Variants in TUSC3 observed in about 807,000 individuals in gnomAD.
TUSC3 encodes the protein dolichyl-diphosphooligosaccharide--protein glycosyltransferase subunit TUSC3.
Under a neutral mutation model 44.8 loss-of-function variants are expected in TUSC3, and 45 were observed. The ratio of observed to expected loss-of-function variants is 1.00; its 90% CI spans 0.79 to 1.29. The LOEUF (loss-of-function observed/expected upper bound fraction) is 1.29. Among genes scored for constraint, TUSC3 ranks in the 50% most tolerant of loss-of-function variants. TUSC3 has a pLI of 0.00. For synonymous variants in TUSC3, 212 were observed against 152.9 expected (o/e 1.39, Z -2.85); for missense variants, 519 against 437.9 (o/e 1.19, Z -1.65).
chr8:15,837,959 G>A, the TUSC3 span, among the ~76,000 whole-genome samples: 1 of 152,148 alleles, frequency 6.6e-6, no homozygotes, highest in Admixed American at 6.5e-5. Context: ...AGAGTCTAAG[G>A]TTGTATTCCA....
intron 6 of TUSC3, among the ~76,000 whole-genome samples, chr8:15,707,865 T>C (rs1007056292): frequency 2.0e-5 from 3 of 151,912 alleles, no homozygotes; most frequent in South Asian, 4.1e-4. Context: ...TTGGTTTTTT[T>C]GGAGGTTCTA....
At chr8:15,583,434 A>G (rs1024988611) in intron 1 of TUSC3, among the ~76,000 whole-genome samples, 3 of 152,192 alleles carry the variant, frequency 2.0e-5, no homozygotes, top group African/African-American at 7.2e-5. Context: ...GATTACTGGA[A>G]GTAATTTGCC....
intron 1 of TUSC3, among the ~76,000 whole-genome samples, chr8:15,474,724 C>T (rs1286555112): frequency 1.3e-5 from 2 of 151,956 alleles, no homozygotes; most frequent in Non-Finnish European, 2.9e-5. Flanking sequence ...ATTTGAATGT[C>T]CAAAGAAATA....
the TUSC3 span, among the ~76,000 whole-genome samples, chr8:15,840,053 A>C: frequency 6.6e-6 from 1 of 152,204 alleles, no homozygotes. Flanking sequence ...AGCCATAAAA[A>C]ATGATGAGTT....
the TUSC3 span, among the ~76,000 whole-genome samples, chr8:15,788,546 C>CAAAAAAA: frequency 2.8e-3 from 213 of 75,456 alleles, 2 homozygotes; most frequent in African/African-American, 0.011. Flanking sequence ...GACTCTATCT[C>CAAAAAAA]AAAAAAAAAA....
chr8:15,443,435 G>A (rs924774639), intron 1 of TUSC3, among the ~76,000 whole-genome samples: 1 of 151,760 alleles, frequency 6.6e-6, no homozygotes, highest in Non-Finnish European at 1.5e-5. Context: ...CTGGGCTCGA[G>A]TGATCTGCCT....
chr8:15,740,264 G>GT (rs1271831316), intron 7 of TUSC3, among the ~76,000 whole-genome samples: 1 of 152,032 alleles, frequency 6.6e-6, no homozygotes, highest in African/African-American at 2.4e-5. Flanking sequence ...TGCTTTGAAG[G>GT]TATTAGGAGA....
chr8:15,751,280 G>A (rs764066407), intron 9 of TUSC3, among the ~76,000 whole-genome samples: 1 of 152,116 alleles, frequency 6.6e-6, no homozygotes, highest in Middle Eastern at 3.2e-3. Flanking sequence ...ACATAGCTAG[G>A]TGTCTCAGAT....
At chr8:15,659,284 A>C (rs1807314031) in intron 3 of TUSC3, among the ~76,000 whole-genome samples, 1 of 152,130 alleles carries the variant, frequency 6.6e-6, no homozygotes, top group Admixed American at 6.5e-5. Flanking sequence ...AATTTGAATG[A>C]TGTATGTTAA....
chr8:15,596,769 T>G (rs185089375), intron 1 of TUSC3, among the ~76,000 whole-genome samples: 138 of 152,254 alleles, frequency 9.1e-4, no homozygotes, highest in African/African-American at 3.2e-3. Flanking sequence ...GGATATAATG[T>G]TTTGGTTGGG....
intron 1 of TUSC3, among the ~76,000 whole-genome samples, chr8:15,583,353 A>G (rs1400467618): frequency 6.6e-6 from 1 of 152,190 alleles, no homozygotes; most frequent in African/African-American, 2.4e-5. Context: ...AACTCACTTT[A>G]GATTTGAAAG....
At chr8:15,712,046 A>G (rs899263313) in intron 6 of TUSC3, among the ~76,000 whole-genome samples, 4 of 151,930 alleles carry the variant, frequency 2.6e-5, no homozygotes, top group Non-Finnish European at 4.4e-5. Context: ...TGCTGTGCAC[A>G]GTTTCGTCAC....
At chr8:15,820,793 G>C in the TUSC3 span, among the ~76,000 whole-genome samples, 4 of 152,034 alleles carry the variant, frequency 2.6e-5, no homozygotes, top group African/African-American at 4.8e-5. Context: ...TTTTATTTTG[G>C]AAAGGCTTTA....
intron 2 of TUSC3, among the ~76,000 whole-genome samples, chr8:15,514,455 T>C (rs1030740391): frequency 1.3e-5 from 2 of 152,200 alleles, no homozygotes; most frequent in African/African-American, 4.8e-5. Flanking sequence ...GCTGTAATAC[T>C]TTAAAAAATT....
intron 6 of TUSC3, among the ~76,000 whole-genome samples, chr8:15,687,280 GA>G (rs1179491063): frequency 6.6e-6 from 1 of 151,968 alleles, no homozygotes; most frequent in African/African-American, 2.4e-5. Flanking sequence ...ATCTAGTGGG[GA>G]TACATAATAT....
chr8:15,678,469 G>C (rs1397292515), intron 6 of TUSC3, among the ~76,000 whole-genome samples: 1 of 151,964 alleles, frequency 6.6e-6, no homozygotes, highest in African/African-American at 2.4e-5. Context: ...TTTATTTCGA[G>C]ATATGCCCTG....
intron 2 of TUSC3, among the ~76,000 whole-genome samples, chr8:15,493,668 G>T (rs1800840208): frequency 6.6e-6 from 1 of 152,116 alleles, no homozygotes; most frequent in African/African-American, 2.4e-5. Context: ...ATAAAACATA[G>T]TTGCTGCCCT....
chr8:15,662,312 G>T lies in TUSC3; in HGVS notation c.708+16G>T. ...GGTGTCTCTGGTATGTTAATACATT[G>T]TGCTTTTTTTATTTCCTGTTCTTTG... On this transcript the variant is annotated intron_variant, in intron 5 of 10. Coordinates refer to ENST00000503731, the MANE Select transcript of TUSC3 (RefSeq NM_006765.4). 8.1e-6 allele frequency: 13 copies of T among 1,612,078 alleles called. No individual in the cohort carries two copies. The highest frequency in any genetic ancestry group is 1.1e-5 in the Non-Finnish European group (13 of 1,178,596).
At chr8:15,664,452 ATTATTAT>A (rs1807567377) in intron 5 of TUSC3, among the ~76,000 whole-genome samples, 1 of 125,332 alleles carries the variant, frequency 8.0e-6, no homozygotes, top group African/African-American at 3.5e-5. Context: ...TATTATTATT[ATTATTAT>A]TATTATTATT....
Sources: allele counts gnomAD v4.1 joint callset (sites outside exome capture counted in the v4.1 genomes callset), GRCh38; gene constraint gnomAD v4.1.1; transcripts MANE v1.5; gene names NCBI Gene and HGNC (gene_info 2026-07-23, HGNC 2026-07-21).